The following DUSP16 variants were observed in gnomAD, a reference collection of about 807,000 sequenced individuals.
DUSP16 encodes the protein dual specificity protein phosphatase 16.
Under a neutral mutation model 58.3 loss-of-function variants are expected in DUSP16, and 21 were observed. That is an observed-to-expected ratio of 0.36 (90% confidence interval 0.26 to 0.52). The LOEUF is 0.52. DUSP16 is among the 20% of genes least tolerant of loss of function. DUSP16 has a pLI of 0.94. For missense variants in DUSP16, 726 were observed against 819.0 expected, an observed-to-expected ratio of 0.89 and a Z score of 1.39; for synonymous variants, 320 against 323.8, an observed-to-expected ratio of 0.99 and a Z score of 0.12.
chr12:12,480,728 C>A (rs1943548714), intron 5 of DUSP16, among the ~76,000 whole-genome samples: 1 of 152,018 alleles, frequency 6.6e-6, no homozygotes, highest in Non-Finnish European at 1.5e-5. Context: ...TTTTTAAAAT[C>A]ATTATTACTA....
intron 1 of DUSP16, among the ~76,000 whole-genome samples, chr12:12,526,467 T>C (rs1269200165): frequency 6.6e-6 from 1 of 152,236 alleles, no homozygotes; most frequent in Non-Finnish European, 1.5e-5. Context: ...GAATAAGTTA[T>C]GTTTAAGAAC....
intron 3 of DUSP16, among the ~76,000 whole-genome samples, chr12:12,512,271 G>A (rs530165337): frequency 6.6e-6 from 1 of 152,322 alleles, no homozygotes; most frequent in East Asian, 1.9e-4. Flanking sequence ...GCATGATGAT[G>A]TGATATACAT....
At chr12:12,533,321 C>A (rs1479884094) in intron 1 of DUSP16, among the ~76,000 whole-genome samples, 1 of 152,220 alleles carries the variant, frequency 6.6e-6, no homozygotes, top group Non-Finnish European at 1.5e-5. Flanking sequence ...TCATTGCTCT[C>A]ACTTGGAAAA....
intron 1 of DUSP16, among the ~76,000 whole-genome samples, chr12:12,524,842 C>T (rs577588533): frequency 7.2e-5 from 11 of 152,124 alleles, no homozygotes; most frequent in African/African-American, 2.7e-4. Flanking sequence ...ATAGTATGAA[C>T]GTGTACAGTT....
At chr12:12,526,668 C>A (rs952875589) in intron 1 of DUSP16, among the ~76,000 whole-genome samples, 6 of 152,060 alleles carry the variant, frequency 3.9e-5, no homozygotes, top group African/African-American at 7.2e-5. Context: ...ATTATTTTTA[C>A]GTGATTATAT....
Position 12,476,964 on chromosome 12 carries a change from A to C in DUSP16, c.1867T>G (p.Phe623Val), listed in dbSNP as rs747088797. ...WHEESPFEKQ[F>V]KRRSCQMEFG... The stretch of plus-strand genomic sequence containing the variant: ...TCCATTTGGCAGCTTCTGCGTTTAA[A>C]CTGCTTTTCAAAGGGGCTCTCTTCA... Residue 623 changes from phenylalanine (F) to valine (V), a missense_variant, in exon 7 of 7, where the codon TTT (phenylalanine) becomes GTT (valine). Transcript: ENST00000298573. The C allele has an allele frequency of 6.2e-7, 1 of 1,614,074 alleles. No individual in the cohort carries two copies.
At chr12:12,552,463 T>A (rs1566058888) in intron 1 of DUSP16, among the ~76,000 whole-genome samples, 1 of 151,862 alleles carries the variant, frequency 6.6e-6, no homozygotes, top group Non-Finnish European at 1.5e-5. Flanking sequence ...AATAAATAAA[T>A]AAAAAGCATT....
chr12:12,480,092 T>G (rs1426561019), intron 6 of DUSP16, 131 bp downstream of exon 6: 2 of 1,253,418 alleles, frequency 1.6e-6, no homozygotes, highest in Admixed American at 4.6e-5. Flanking sequence ...CATTAAAAAA[T>G]CCACAGTAAC....
At chr12:12,518,421 G>A (rs2136230250) in intron 3 of DUSP16, among the ~76,000 whole-genome samples, 1 of 152,022 alleles carries the variant, frequency 6.6e-6, no homozygotes, top group African/African-American at 2.4e-5. Flanking sequence ...GCTGAGGCAG[G>A]AGAATCGCTT....
intron 3 of DUSP16, among the ~76,000 whole-genome samples, chr12:12,508,801 T>C (rs1944034011): frequency 6.6e-6 from 1 of 152,210 alleles, no homozygotes. Flanking sequence ...TTAGGACATA[T>C]GCAACAGTTA....
chr12:12,513,010 G>A (rs1219892276), intron 3 of DUSP16, among the ~76,000 whole-genome samples: 1 of 152,094 alleles, frequency 6.6e-6, no homozygotes, highest in Non-Finnish European at 1.5e-5. Context: ...TAAACCAAAA[G>A]TATACATTTA....
intron 1 of DUSP16, among the ~76,000 whole-genome samples, chr12:12,529,705 C>T (rs1455397887): frequency 6.6e-6 from 1 of 152,176 alleles, no homozygotes; most frequent in Non-Finnish European, 1.5e-5. Flanking sequence ...TTAAACATCC[C>T]AGCCTTTGGT....
rs1212611102 is a variant in DUSP16, at chr12:12,475,327, A to AATCT, written c.*1502_*1505dup. ...CAAGCCAGGAGGATGTTTGAAAGCCAATCTGCACTATCACTTGTTCCAGTG... is the reference window on the plus strand; with the variant it reads ...CAAGCCAGGAGGATGTTTGAAAGCCAATCTATCTGCACTATCACTTGTTCCAGTG... On this transcript the variant is annotated 3_prime_UTR_variant, in exon 7 of 7. Coordinates refer to ENST00000298573, the MANE Select transcript of DUSP16 (RefSeq NM_030640.3). The AATCT allele has an allele frequency of 6.6e-6, 1 of 151,514 alleles. No homozygotes were observed. The highest frequency in any genetic ancestry group is 2.4e-5 in the African/African-American group (1 of 41,200). The allele number at this position is 151,514 out of a possible 1,614,324, so 9.4% of individuals were successfully genotyped here.
In DUSP16 at chr12:12,492,655, C is replaced by A. The variant is rs80202312; in HGVS notation, c.532-5468G>T. On this transcript the variant is annotated intron_variant, in intron 4 of 6. Transcript: ENST00000298573. ...GCCATTACCCCATATCTTTGAAATTCCTTGAAAGAACCCCTTCTACTTGAT... is the reference window on the plus strand; with the variant it reads ...GCCATTACCCCATATCTTTGAAATTACTTGAAAGAACCCCTTCTACTTGAT... Among the ~76,000 whole-genome samples the A allele has an allele frequency of 2.2e-4, 34 of 152,166 alleles. No homozygotes were observed. The East Asian group carries it at 5.0e-3, about 23-fold the overall frequency.
intron 1 of DUSP16, among the ~76,000 whole-genome samples, chr12:12,557,668 A>G (rs765612627): frequency 6.6e-6 from 1 of 152,218 alleles, no homozygotes; most frequent in Non-Finnish European, 1.5e-5. Context: ...GATTCACAGA[A>G]TAAGTGCAAT....
intron 1 of DUSP16, among the ~76,000 whole-genome samples, chr12:12,552,616 A>C (rs1386265623): frequency 6.6e-6 from 1 of 152,178 alleles, no homozygotes; most frequent in Non-Finnish European, 1.5e-5. Context: ...ATATCACAAC[A>C]GATTGAATAC....
intron 3 of DUSP16, among the ~76,000 whole-genome samples, chr12:12,507,695 C>A (rs1566005184): frequency 6.6e-6 from 1 of 152,182 alleles, no homozygotes; most frequent in Non-Finnish European, 1.5e-5. Flanking sequence ...CCGCAACCTC[C>A]ACCTCCCGGG....
intron 1 of DUSP16, among the ~76,000 whole-genome samples, chr12:12,556,409 A>G (rs1273123163): frequency 6.6e-6 from 1 of 151,884 alleles, no homozygotes. Context: ...AATAATAAAA[A>G]TAAATAATAA....
chr12:12,505,263 T>C (rs1483173162), intron 3 of DUSP16, among the ~76,000 whole-genome samples: 1 of 152,216 alleles, frequency 6.6e-6, no homozygotes, highest in Admixed American at 6.5e-5. Context: ...GGGACAGCCT[T>C]GCTGATGATA....
Sources: allele counts gnomAD v4.1 joint callset (sites outside exome capture counted in the v4.1 genomes callset), GRCh38; gene constraint gnomAD v4.1.1; transcripts MANE v1.5; gene names NCBI Gene and HGNC (gene_info 2026-07-23, HGNC 2026-07-21).